The following ETV1 variants were observed in gnomAD, a reference collection of about 807,000 sequenced individuals.
ETV1 encodes the protein ETS translocation variant 1.
In ETV1, 27 loss-of-function variants were observed where a neutral mutation model predicts 62.3. The observed-to-expected ratio is 0.43, with a 90% CI of 0.32 to 0.60. The LOEUF (loss-of-function observed/expected upper bound fraction) is 0.60. Among genes scored for constraint, ETV1 ranks in the 20% least tolerant of loss-of-function variants. The pLI is 0.06. For missense variants in ETV1, 605 were observed against 605.8 expected (o/e 1.00, Z 0.01); for synonymous variants, 222 against 199.6 (o/e 1.11, Z -0.94).
rs539473511 is a variant in ETV1 at position 13,925,862 on chromosome 7, A to AT, written c.802+5639dup. On this transcript the variant is annotated intron_variant, in intron 9 of 13. Transcript: ENST00000430479. The stretch of plus-strand genomic sequence containing the variant: ...TGAGCCACCGCGCCTGGCCCGACTG[A>AT]TTTTTTTTTTTAAATACTCATTCTG... Among the ~76,000 whole-genome samples the AT allele has an allele frequency of 2.8e-3, 420 of 148,394 alleles. 3 individuals are homozygous for AT. The highest frequency in any genetic ancestry group is 0.016 in the South Asian group (74 of 4,680).
chr7:13,900,907 T>A lies in ETV1; in HGVS notation c.1111-68A>T, dbSNP rs1353935193. 8 of 1,072,480 alleles carry A rather than the reference T, an allele frequency of 7.5e-6. No individual in the cohort carries two copies. The East Asian group carries it at 2.2e-4, about 29-fold the overall frequency. The allele number at this position is 1,072,480 out of a possible 1,614,324, so 66.4% of individuals were successfully genotyped here. A position where few individuals can be genotyped will look rare whatever the true frequency, so the allele number is the denominator to read the frequency against. On this transcript the variant is annotated intron_variant, in intron 12 of 13. Transcript: ENST00000430479. ...TATCAGCATATTTCATAAAAATTATTTAATTAATTACTTCCAAACCCACAA... is the reference window on the plus strand; with the variant it reads ...TATCAGCATATTTCATAAAAATTATATAATTAATTACTTCCAAACCCACAA...
intron 9 of ETV1, among the ~76,000 whole-genome samples, chr7:13,925,791 C>T (rs560593853): frequency 1.2e-4 from 18 of 151,922 alleles, no homozygotes; most frequent in African/African-American, 3.6e-4. Flanking sequence ...CTCCTGACCT[C>T]GTGATCCGCC....
intron 5 of ETV1, among the ~76,000 whole-genome samples, chr7:13,978,397 A>G (rs1013796537): frequency 3.4e-5 from 2 of 58,076 alleles, no homozygotes; most frequent in Non-Finnish European, 6.4e-5. Flanking sequence ...AAATACATGC[A>G]AACACACACA....
chr7:13,914,005 T>C (rs1330086480), intron 9 of ETV1, among the ~76,000 whole-genome samples: 3 of 147,754 alleles, frequency 2.0e-5, no homozygotes, highest in African/African-American at 7.4e-5. Context: ...TGCCTCAGCC[T>C]CCTGAGTAGC....
At chr7:13,915,482 AC>A (rs1784046437) in intron 9 of ETV1, among the ~76,000 whole-genome samples, 1 of 152,216 alleles carries the variant, frequency 6.6e-6, no homozygotes, top group Non-Finnish European at 1.5e-5. Context: ...GATCTTGCCA[AC>A]ATTTTATCTC....
chr7:13,983,087 T>C (rs1219941857), intron 5 of ETV1, among the ~76,000 whole-genome samples: 7 of 147,194 alleles, frequency 4.8e-5, no homozygotes, highest in Non-Finnish European at 8.8e-5. Flanking sequence ...GAAAGGTTGT[T>C]CTTGCAGATA....
In ETV1 at chr7:13,895,059, T is replaced by C. The variant is rs1348574775; in HGVS notation, c.*807A>G. 1.7e-5 allele frequency: 4 copies of C among 233,240 alleles called. No individual in the cohort carries two copies. The highest frequency in any genetic ancestry group is 4.4e-5 in the African/African-American group (2 of 45,334). The allele number at this position is 233,240 out of a possible 1,614,324, so 14.4% of individuals were successfully genotyped here. A position where few individuals can be genotyped will look rare whatever the true frequency, so the allele number is the denominator to read the frequency against. On this transcript the variant is annotated 3_prime_UTR_variant, in exon 14 of 14. Coordinates refer to ENST00000430479, the MANE Select transcript of ETV1 (RefSeq NM_004956.5). ...TTTAAATGAAGATTCCAAAGGACCATGACATGTCATTATTTAACTGAAATG... is the reference window on the plus strand; with the variant it reads ...TTTAAATGAAGATTCCAAAGGACCACGACATGTCATTATTTAACTGAAATG...
chr7:13,936,284 T>C (rs915379109), intron 7 of ETV1, among the ~76,000 whole-genome samples: 4 of 152,208 alleles, frequency 2.6e-5, no homozygotes, highest in African/African-American at 9.6e-5. Context: ...ATATTCTTCT[T>C]TTATATTATG....
At chr7:13,951,193 C>G (rs1055742194) in intron 6 of ETV1, among the ~76,000 whole-genome samples, 1 of 152,048 alleles carries the variant, frequency 6.6e-6, no homozygotes, top group Non-Finnish European at 1.5e-5. Flanking sequence ...TGCATGTTCT[C>G]TCTCTCTCAC....
At chr7:13,988,846 T>G in intron 3 of ETV1, 162 bp downstream of exon 3, 2 of 1,593,416 alleles carry the variant, frequency 1.3e-6, no homozygotes. Flanking sequence ...AAGCTCATTT[T>G]GAAGACTGGG....
intron 12 of ETV1, 176 bp downstream of exon 12, chr7:13,906,254 A>G: frequency 2.1e-6 from 1 of 469,244 alleles, no homozygotes; most frequent in Non-Finnish European, 3.7e-6. Flanking sequence ...GGAACACGCA[A>G]TACATTGGTG....
intron 6 of ETV1, among the ~76,000 whole-genome samples, chr7:13,953,887 A>G (rs1789111586): frequency 6.6e-6 from 1 of 152,202 alleles, no homozygotes; most frequent in African/African-American, 2.4e-5. Context: ...ATAGTGGATG[A>G]AGATGTAGCA....
intron 6 of ETV1, among the ~76,000 whole-genome samples, chr7:13,970,977 T>C (rs1368314830): frequency 7.2e-5 from 11 of 152,058 alleles, no homozygotes; most frequent in Admixed American, 7.2e-4. Flanking sequence ...TTTATTTTAT[T>C]TATTTATTTT....
At chr7:13,901,566 G>A (rs1001911839) in intron 12 of ETV1, among the ~76,000 whole-genome samples, 2 of 152,086 alleles carry the variant, frequency 1.3e-5, no homozygotes, top group African/African-American at 4.8e-5. Context: ...TTTTACTGAG[G>A]TTATGATAAG....
At chr7:13,962,437 G>C (rs985583997) in intron 6 of ETV1, among the ~76,000 whole-genome samples, 4 of 151,904 alleles carry the variant, frequency 2.6e-5, no homozygotes, top group African/African-American at 9.7e-5. Context: ...TATATCATAT[G>C]GCTTTAGTGT....
chr7:13,901,849 C>G (rs1782467634), intron 12 of ETV1, among the ~76,000 whole-genome samples: 1 of 152,126 alleles, frequency 6.6e-6, no homozygotes, highest in Non-Finnish European at 1.5e-5. Flanking sequence ...AGCAGAATGT[C>G]TACTCTGTTG....
chr7:13,986,341 T>C, intron 5 of ETV1: 2 of 1,490,112 alleles, frequency 1.3e-6, no homozygotes, highest in Non-Finnish European at 1.8e-6. Flanking sequence ...TCAATTGCAA[T>C]TAAAATCTGA....
intron 8 of ETV1, among the ~76,000 whole-genome samples, chr7:13,934,280 G>A (rs1447754992): frequency 6.6e-6 from 1 of 152,266 alleles, no homozygotes; most frequent in Non-Finnish European, 1.5e-5. Flanking sequence ...AGGACTTAGT[G>A]ATGGAACCAA....
chr7:13,913,335 G>A (rs1034691882), intron 9 of ETV1, among the ~76,000 whole-genome samples: 11 of 152,164 alleles, frequency 7.2e-5, no homozygotes, highest in African/African-American at 2.7e-4. Context: ...ACAGCACAAT[G>A]GTTATAAACA....
Sources: gnomAD v4.1 joint callset for allele counts (sites outside exome capture counted in the v4.1 genomes callset) on GRCh38, gnomAD v4.1.1 for gene constraint, MANE v1.5 for transcripts, NCBI Gene and HGNC (gene_info 2026-07-23, HGNC 2026-07-21) for gene names.